Variants in SPAM1 observed in about 807,000 individuals in gnomAD.
SPAM1 encodes hyaluronidase PH-20.
SPAM1 carries 22 observed loss-of-function variants against 29.6 expected under a neutral mutation model. The ratio of observed to expected loss-of-function variants is 0.74; its 90% CI spans 0.53 to 1.06. The LOEUF is 1.06. Among genes scored for constraint, SPAM1 ranks in the 50% least tolerant of loss-of-function variants. The pLI is 0.00. For missense variants in SPAM1, 534 were observed against 604.0 expected (o/e 0.88, Z 1.21); for synonymous variants, 194 against 204.6 (o/e 0.95, Z 0.44).
intron 1 of SPAM1, among the ~76,000 whole-genome samples, chr7:123,927,364 CAGG>C (rs1807920070): frequency 6.6e-6 from 1 of 152,132 alleles, no homozygotes; most frequent in Admixed American, 6.5e-5. Flanking sequence ...TAAGGCTTTG[CAGG>C]AGTTCAATGG....
At chr7:123,960,249 G>A (rs1388167999), downstream of SPAM1, among the ~76,000 whole-genome samples, 1 of 151,926 alleles carries the variant, frequency 6.6e-6, no homozygotes, top group Non-Finnish European at 1.5e-5. Flanking sequence ...TGTTTCACTT[G>A]CAAAACTGCC....
chr7:123,962,914 T>C (rs1446756622), downstream of SPAM1, among the ~76,000 whole-genome samples: 1 of 151,866 alleles, frequency 6.6e-6, no homozygotes, highest in Non-Finnish European at 1.5e-5. Context: ...GCTTTCCATA[T>C]AGCAATATAT....
chr7:123,946,621 A>T (rs1466972817), intron 1 of SPAM1, among the ~76,000 whole-genome samples: 2 of 152,148 alleles, frequency 1.3e-5, no homozygotes, highest in African/African-American at 4.8e-5. Flanking sequence ...ATCAGTCAGT[A>T]TGTGTAAGAT....
chr7:123,930,469 A>G (rs1808038688), intron 1 of SPAM1, among the ~76,000 whole-genome samples: 1 of 152,200 alleles, frequency 6.6e-6, no homozygotes, highest in African/African-American at 2.4e-5. Flanking sequence ...CCACTCCCAA[A>G]AATATCCTAA....
In SPAM1 at chr7:123,954,584, T is replaced by C. The variant is rs17146510; in HGVS notation, c.954+60T>C. ...AATTCACAAAAGATGTTGATTGAAA[T>C]TTAATATTATTTTTGAAGGGAGTGA... On this transcript the variant is annotated intron_variant, in intron 3 of 4. Transcript: ENST00000682466. 16,395 of 1,154,620 alleles carry C rather than the reference T, an allele frequency of 0.014. 1,673 individuals carry two copies. In the African/African-American group the frequency reaches 0.22, roughly 16 times the overall value. 71.5% of individuals were successfully genotyped at this position (1,154,620 alleles called of 1,614,324 possible).
chr7:123,934,452 A>T (rs1363098071), intron 1 of SPAM1, among the ~76,000 whole-genome samples: 1 of 152,152 alleles, frequency 6.6e-6, no homozygotes, highest in African/African-American at 2.4e-5. Context: ...AAACTAAAAA[A>T]TGGAACTATC....
intron 5 of SPAM1, among the ~76,000 whole-genome samples, chr7:123,968,826 T>G (rs1401168632): frequency 6.6e-6 from 1 of 152,058 alleles, no homozygotes; most frequent in Non-Finnish European, 1.5e-5. Context: ...TGTGTGAGAA[T>G]GAAATGAATT....
chr7:123,951,091 C>G (rs910459364), intron 2 of SPAM1, among the ~76,000 whole-genome samples: 2 of 152,044 alleles, frequency 1.3e-5, no homozygotes, highest in Non-Finnish European at 2.9e-5. Flanking sequence ...CCTTTGCCCA[C>G]TTTTTAATTG....
At chr7:123,965,889 G>A (rs1044326270) in intron 5 of SPAM1, among the ~76,000 whole-genome samples, 1 of 151,806 alleles carries the variant, frequency 6.6e-6, no homozygotes, top group Non-Finnish European at 1.5e-5. Context: ...AAATTACTTT[G>A]GGCGATATGG....
chr7:123,955,299 T>G (rs1292490122), intron 4 of SPAM1, among the ~76,000 whole-genome samples: 1 of 151,992 alleles, frequency 6.6e-6, no homozygotes, highest in Admixed American at 6.6e-5. Context: ...AGAAATTTAG[T>G]GAATAATTGA....
chr7:123,946,417 C>T (rs569337261), intron 1 of SPAM1, among the ~76,000 whole-genome samples: 1 of 152,212 alleles, frequency 6.6e-6, no homozygotes, highest in South Asian at 2.1e-4. Flanking sequence ...GGAGCTACCT[C>T]CATGCAGAGT....
intron 5 of SPAM1, chr7:123,970,049 T>G (rs1165775259): frequency 1.6e-6 from 1 of 613,672 alleles, no homozygotes; most frequent in Non-Finnish European, 2.6e-6. Flanking sequence ...TTTCCTTAAG[T>G]CCTTTAGTCC....
At chr7:123,943,477 CAT>C (rs1483477528) in intron 1 of SPAM1, among the ~76,000 whole-genome samples, 3 of 152,224 alleles carry the variant, frequency 2.0e-5, no homozygotes, top group East Asian at 3.9e-4. Flanking sequence ...TTACTGATAA[CAT>C]ATGCTAAGAT....
chr7:123,959,361 T>C (rs1792314332), intron 4 of SPAM1, 123 bp from the exon 5 acceptor site: 4 of 647,792 alleles, frequency 6.2e-6, no homozygotes, highest in Non-Finnish European at 1.0e-5. Context: ...AGAAATTATC[T>C]TCTACTTCTT....
chr7:123,963,448 CA>C (rs1792385633), downstream of SPAM1, among the ~76,000 whole-genome samples: 3 of 151,086 alleles, frequency 2.0e-5, no homozygotes, highest in Admixed American at 1.3e-4. Flanking sequence ...TTTTAGATAC[CA>C]ATAGATTATA....
intron 5 of SPAM1, among the ~76,000 whole-genome samples, chr7:123,966,865 A>G (rs984016890): frequency 1.3e-5 from 2 of 152,028 alleles, no homozygotes; most frequent in South Asian, 2.1e-4. Flanking sequence ...ACATCTACCT[A>G]TGTAACAAAA....
downstream of SPAM1, chr7:123,960,049 G>A: frequency 6.7e-7 from 1 of 1,502,980 alleles, no homozygotes. Flanking sequence ...GAAAAGAACA[G>A]CTCTTGTTGA....
At chr7:123,931,469 A>G (rs1460998644) in intron 1 of SPAM1, among the ~76,000 whole-genome samples, 1 of 152,334 alleles carries the variant, frequency 6.6e-6, no homozygotes, top group African/African-American at 2.4e-5. Context: ...AGAGAGGCCA[A>G]GAAGAATTTA....
At chr7:123,927,499 A>C (rs1807926526) in intron 1 of SPAM1, among the ~76,000 whole-genome samples, 1 of 152,156 alleles carries the variant, frequency 6.6e-6, no homozygotes, top group South Asian at 2.1e-4. Context: ...CTAGGAATTT[A>C]TGCAGCTGCT....
Sources: gnomAD v4.1 joint callset for allele counts (sites outside exome capture counted in the v4.1 genomes callset) on GRCh38, gnomAD v4.1.1 for gene constraint, MANE v1.5 for transcripts, NCBI Gene and HGNC (gene_info 2026-07-23, HGNC 2026-07-21) for gene names.